The following ATP11B variants were observed in gnomAD, a reference collection of about 807,000 sequenced individuals.
ATP11B encodes ATPase phospholipid transporting 11B (putative).
ATP11B carries 81 observed loss-of-function variants against 157.8 expected under a neutral mutation model. The ratio of observed to expected loss-of-function variants is 0.51; its 90% CI spans 0.43 to 0.62. The LOEUF is 0.62. Ranked by LOEUF, ATP11B falls within the 20% of genes least tolerant of loss-of-function variation. The pLI, the probability that ATP11B is intolerant of heterozygous loss-of-function variation, is 0.00. For missense variants in ATP11B, 1,165 were observed against 1,402.2 expected (o/e 0.83, Z 2.70); for synonymous variants, 451 against 469.4 (o/e 0.96, Z 0.51).
intron 1 of ATP11B, among the ~76,000 whole-genome samples, chr3:182,794,691 C>T (rs1715490398): frequency 6.6e-6 from 1 of 152,218 alleles, no homozygotes; most frequent in Non-Finnish European, 1.5e-5. Flanking sequence ...TTATCTGCCT[C>T]CTGGCAGCTA....
rs1204859513 is a variant in ATP11B, at chr3:182,867,363, T to C, written c.1620-13T>C. The C allele has an allele frequency of 1.9e-6, 3 of 1,562,862 alleles. No individual in the cohort carries two copies. The highest frequency in any genetic ancestry group is 2.2e-5 in the East Asian group (1 of 44,600). ...TTTCTTAAGTCTCACTTTTTTATCC[T>C]TTTGATGTCTAGGATTGGTATTGTG... is the stretch of plus-strand genomic sequence containing the variant. On this transcript the variant is annotated splice_polypyrimidine_tract_variant and intron_variant, in intron 14 of 29. Transcript: ENST00000323116.
intron 4 of ATP11B, 34 bp downstream of exon 4, chr3:182,829,786 A>G: frequency 1.3e-6 from 2 of 1,500,098 alleles, no homozygotes; most frequent in Non-Finnish European, 1.8e-6. Flanking sequence ...ATTTTCCTCT[A>G]AGTCATTTAG....
rs924027490 is a variant in ATP11B, at chr3:182,918,379, A to G, written c.*275A>G. ...GTCCCTTGTGCTTATGGGACTCCTA[A>G]TGGCATTTCAGTCTGTTGCTGAGGC... is the stretch of plus-strand genomic sequence containing the variant. On this transcript the variant is annotated 3_prime_UTR_variant, in exon 30 of 30. Transcript: ENST00000323116. 9.8e-6 allele frequency: 4 copies of G among 408,168 alleles called. No individual in the cohort carries two copies. The highest frequency in any genetic ancestry group is 4.3e-6 in the Non-Finnish European group (1 of 232,770). The allele number at this position is 408,168 out of a possible 1,614,324, so 25.3% of individuals were successfully genotyped here. A position where few individuals can be genotyped will look rare whatever the true frequency, so the allele number is the denominator to read the frequency against.
At chr3:182,841,204 G>A (rs144213018) in intron 7 of ATP11B, among the ~76,000 whole-genome samples, 33 of 152,238 alleles carry the variant, frequency 2.2e-4, no homozygotes, top group Non-Finnish European at 4.1e-4. Context: ...TAGTACGCAC[G>A]CTGATCCTTC....
At chr3:182,902,604 C>T (rs1433894615) in intron 28 of ATP11B, 1 of 1,210,282 alleles carries the variant, frequency 8.3e-7, no homozygotes, top group African/African-American at 1.6e-5. Context: ...AACTCTTCTG[C>T]ATGCTAAAGG....
At position 182,828,172 on chromosome 3, in the gene ATP11B, T is replaced by C; in HGVS notation, c.197T>C (p.Val66Ala). ...AATTTATTTGAACAGTTCAGAAGAG[T>C]GGCAAACTTTTATTTTCTTATTATA... ...PKNLFEQFRR[V>A]ANFYFLIIFL... The change falls in exon 3 of 30, where the codon GTG (valine) becomes GCG (alanine). Residue 66 changes from valine (V) to alanine (A), a missense_variant. By Grantham distance (64) the Val-to-Ala change is moderately conservative. Coordinates refer to ENST00000323116, the MANE Select transcript of ATP11B (RefSeq NM_014616.3). 1 of 1,510,182 alleles carries C rather than the reference T, an allele frequency of 6.6e-7. No individual in the cohort carries two copies. The highest frequency in any genetic ancestry group is 8.9e-7 in the Non-Finnish European group (1 of 1,118,844). The allele number at this position is 1,510,182 out of a possible 1,614,324, so 93.5% of individuals were successfully genotyped here. A position where few individuals can be genotyped will look rare whatever the true frequency, so the allele number is the denominator to read the frequency against.
At chr3:182,838,800 T>TACACAC (rs1553802111) in intron 7 of ATP11B, among the ~76,000 whole-genome samples, 102 of 150,860 alleles carry the variant, frequency 6.8e-4, no homozygotes, top group African/African-American at 2.0e-3. Context: ...TATATATATA[T>TACACAC]ACACACACAT....
At chr3:182,865,831 A>C in intron 13 of ATP11B, 133 bp downstream of exon 13, 1 of 703,454 alleles carries the variant, frequency 1.4e-6, no homozygotes, top group Admixed American at 3.1e-5. Context: ...TATTTGATTC[A>C]ACAATATAAA....
intron 10 of ATP11B, among the ~76,000 whole-genome samples, chr3:182,857,349 G>A (rs533228272): frequency 2.6e-5 from 4 of 151,988 alleles, no homozygotes; most frequent in African/African-American, 9.6e-5. Flanking sequence ...GGGTTTCATC[G>A]TGTTAACCAG....
intron 25 of ATP11B, among the ~76,000 whole-genome samples, chr3:182,893,488 A>G (rs898091588): frequency 1.3e-5 from 2 of 152,208 alleles, no homozygotes; most frequent in East Asian, 1.9e-4. Context: ...ATGGTCTCCA[A>G]TTCCATCCAG....
chr3:182,833,220 A>G (rs1718286685), intron 4 of ATP11B, among the ~76,000 whole-genome samples: 1 of 152,210 alleles, frequency 6.6e-6, no homozygotes, highest in South Asian at 2.1e-4. Flanking sequence ...AAGAAAGGAA[A>G]GGTATCATAT....
chr3:182,873,681 C>CTA (rs1322318765), intron 18 of ATP11B, 131 bp from the exon 19 acceptor site: 4 of 711,930 alleles, frequency 5.6e-6, no homozygotes, highest in Non-Finnish European at 9.1e-6. Flanking sequence ...AGTTATATTG[C>CTA]TATATTGTAT....
At chr3:182,817,373 C>A (rs1309903165) in intron 1 of ATP11B, among the ~76,000 whole-genome samples, 1 of 151,982 alleles carries the variant, frequency 6.6e-6, no homozygotes, top group African/African-American at 2.4e-5. Context: ...CTCCACCTCC[C>A]GGGTTCAAGC....
At chr3:182,845,039 T>C (rs974050030) in intron 8 of ATP11B, among the ~76,000 whole-genome samples, 6 of 148,986 alleles carry the variant, frequency 4.0e-5, no homozygotes, top group African/African-American at 1.5e-4. Flanking sequence ...AGTCTCACTC[T>C]TGTCACCCAG....
At position 182,913,880 on chromosome 3, in the gene ATP11B, G is replaced by T. The variant is rs764077740; in HGVS notation, c.3338G>T (p.Gly1113Val). ...CCGCAGCTTACTGAAACAAATGCAG[G>T]TATCAAGTGCTTGGACTCCATGTGC... ...EKAQLTETNA[G>V]IKCLDSMCCF... Residue 1113 changes from glycine to valine, a missense_variant, in exon 29 of 30, where the codon GGT (glycine) becomes GTT (valine). By Grantham distance (109) the Gly-to-Val change is moderately radical. Coordinates refer to ENST00000323116, the MANE Select transcript of ATP11B (RefSeq NM_014616.3). The T allele has an allele frequency of 3.7e-6, 6 of 1,614,008 alleles. No individual in the cohort carries two copies. Among genetic ancestry groups the T allele is most frequent in the Non-Finnish European group, 8.5e-7 (1 of 1,179,968 alleles).
At chr3:182,913,828 A>G (rs775011943) in intron 28 of ATP11B, 33 bp from the exon 29 acceptor site, 2 of 1,613,874 alleles carry the variant, frequency 1.2e-6, no homozygotes, top group South Asian at 2.2e-5. Context: ...CATATCTTTA[A>G]ACAACTGATG....
rs1047126094 is a variant in ATP11B, at chr3:182,799,478, G to A, written c.27+5692G>A. Among the ~76,000 whole-genome samples the A allele has an allele frequency of 6.6e-4, 100 of 151,714 alleles. 2 individuals are homozygous for A. Among genetic ancestry groups the A allele is most frequent in the Admixed American group, 5.8e-3 (88 of 15,252 alleles). ...TTTTTAGTAGAGATGGGGTTTCTCC[G>A]TGTTACCAGGATGGTCTCGATCTCC... On this transcript the variant is annotated intron_variant, in intron 1 of 29. Coordinates refer to ENST00000323116, the MANE Select transcript of ATP11B (RefSeq NM_014616.3).
chr3:182,900,402 T>C (rs1057201706), intron 28 of ATP11B, among the ~76,000 whole-genome samples: 1 of 152,186 alleles, frequency 6.6e-6, no homozygotes, highest in Non-Finnish European at 1.5e-5. Context: ...AAAACAGTTA[T>C]CATTATAAGT....
chr3:182,807,724 ATAAG>A (rs1716408966), intron 1 of ATP11B, among the ~76,000 whole-genome samples: 1 of 152,196 alleles, frequency 6.6e-6, no homozygotes, highest in Admixed American at 6.5e-5. Context: ...CTGTAGGAAA[ATAAG>A]TGAGTCATCT....
Sources: allele counts gnomAD v4.1 joint callset (sites outside exome capture counted in the v4.1 genomes callset), GRCh38; gene constraint gnomAD v4.1.1; transcripts MANE v1.5; gene names NCBI Gene and HGNC (gene_info 2026-07-23, HGNC 2026-07-21).